The following TCHP variants were observed in gnomAD, a reference collection of about 807,000 sequenced individuals.
TCHP encodes trichoplein keratin filament-binding protein.
TCHP carries 81 observed loss-of-function variants against 88.7 expected under a neutral mutation model. The observed-to-expected ratio is 0.91, with a 90% CI of 0.76 to 1.10. TCHP has a LOEUF of 1.10. TCHP is among the 50% of genes least tolerant of loss of function. TCHP has a pLI of 0.00. For missense variants in TCHP, 641 were observed against 632.1 expected (o/e 1.01, Z -0.15); for synonymous variants, 232 against 232.5 (o/e 1.00, Z 0.02).
chr12:109,886,598 T>G, the TCHP span, among the ~76,000 whole-genome samples: 1 of 152,116 alleles, frequency 6.6e-6, no homozygotes, highest in Non-Finnish European at 1.5e-5. Flanking sequence ...CCTGCCCTGG[T>G]CTCCAAACCA....
chr12:109,903,215 G>A lies in TCHP; in HGVS notation c.188+1G>A. ...GCTCTAAAACCTCCTACCAGCGGAG[G>A]TAATTGTGCGGTAACTGCCGATTGG... On this transcript the variant is annotated splice_donor_variant, in intron 2 of 12. Transcript: ENST00000405876. LOFTEE classifies it high-confidence loss of function. This position sits in a 1 kb window ranked among gnomAD's most constrained non-coding sequence, Gnocchi z 4.6. 2 of 1,607,064 alleles carry A rather than the reference G, an allele frequency of 1.2e-6. No individual in the cohort carries two copies. The highest frequency in any genetic ancestry group is 1.3e-5 in the African/African-American group (1 of 74,988).
intron 1 of TCHP, chr12:109,900,869 C>T (rs1484988012): frequency 6.6e-6 from 1 of 152,186 alleles, no homozygotes; most frequent in African/African-American, 2.4e-5. Context: ...TGCACCAGGC[C>T]TTTTCGCTCA....
the TCHP span, among the ~76,000 whole-genome samples, chr12:109,892,647 C>A: frequency 6.6e-6 from 1 of 152,154 alleles, no homozygotes; most frequent in East Asian, 1.9e-4. Flanking sequence ...AAACACAGGA[C>A]TGACCTGATG....
Position 109,914,540 on chromosome 12 carries a change from T to C in TCHP, c.1233T>C (p.Asn411=). The part of the protein sequence containing the change: ...SLKHREQLIR[N]LEEVRELARR... ...AACACAGGGAGCAACTTATTCGAAATCTTGAGGAGGTGAGAGAGTTGGCTC... is the reference window on the plus strand; with the variant it reads ...AACACAGGGAGCAACTTATTCGAAACCTTGAGGAGGTGAGAGAGTTGGCTC... Residue 411 remains asparagine (N), a synonymous_variant, in exon 11 of 13, where the codon AAT becomes AAC. Transcript: ENST00000405876. The C allele has an allele frequency of 6.2e-6, 10 of 1,614,012 alleles. No homozygotes were observed. Among genetic ancestry groups the C allele is most frequent in the Non-Finnish European group, 8.5e-6 (10 of 1,180,002 alleles).
At chr12:109,893,044 G>T in the TCHP span, among the ~76,000 whole-genome samples, 3 of 152,162 alleles carry the variant, frequency 2.0e-5, no homozygotes, top group African/African-American at 7.2e-5. Context: ...CAAGGGCTTT[G>T]GGTGGGGTGA....
At chr12:109,892,714 C>T in the TCHP span, among the ~76,000 whole-genome samples, 3 of 152,038 alleles carry the variant, frequency 2.0e-5, no homozygotes, top group South Asian at 2.1e-4. Flanking sequence ...GGAATTGGTG[C>T]GGGATTTGGG....
chr12:109,881,054 C>T, the TCHP span, among the ~76,000 whole-genome samples: 27 of 152,316 alleles, frequency 1.8e-4, no homozygotes, highest in South Asian at 1.0e-3. Context: ...CACTGCCCTG[C>T]TGGACAACTC....
intron 8 of TCHP, among the ~76,000 whole-genome samples, chr12:109,910,321 G>C (rs1459414779): frequency 6.6e-6 from 1 of 152,184 alleles, no homozygotes; most frequent in Non-Finnish European, 1.5e-5. Context: ...GTTGGTCCTG[G>C]TGTGCAGCTG....
At chr12:109,889,545 C>A in the TCHP span, among the ~76,000 whole-genome samples, 1 of 152,164 alleles carries the variant, frequency 6.6e-6, no homozygotes, top group Non-Finnish European at 1.5e-5. Flanking sequence ...TCCTGTCTCA[C>A]TCCAGCCTCT....
chr12:109,902,942 G>C, intron 1 of TCHP, 85 bp from the exon 2 acceptor site: 1 of 1,119,142 alleles, frequency 8.9e-7, no homozygotes, highest in Non-Finnish European at 1.3e-6. Context: ...AAGGGGTGGT[G>C]ACCACTCGTT....
intron 10 of TCHP, 44 bp downstream of exon 10, chr12:109,913,116 G>A (rs1347691367): frequency 6.3e-7 from 1 of 1,594,038 alleles, no homozygotes; most frequent in Non-Finnish European, 8.6e-7. Flanking sequence ...TGGGTCTTGG[G>A]CAGGTGTCTG....
chr12:109,915,756 C>A (rs1002043288), intron 12 of TCHP, among the ~76,000 whole-genome samples: 2 of 152,214 alleles, frequency 1.3e-5, no homozygotes, highest in Admixed American at 6.5e-5. Context: ...GGGCCTCAAA[C>A]CTTGAAGTGA....
the TCHP span, chr12:109,888,529 T>C: frequency 6.6e-6 from 1 of 152,204 alleles, no homozygotes; most frequent in Non-Finnish European, 1.5e-5. Flanking sequence ...GTTAATAACA[T>C]CTTCCCCAAC....
chr12:109,916,479 A>G (rs1870821840), intron 12 of TCHP, 112 bp from the exon 13 acceptor site: 2 of 1,186,080 alleles, frequency 1.7e-6, no homozygotes, highest in Non-Finnish European at 2.3e-6. Flanking sequence ...TTCAGCTGGA[A>G]ATGAAACAGC....
rs548514868 is a variant in TCHP, at chr12:109,900,364, C to T, written c.-63C>T. The T allele has an allele frequency of 2.0e-5, 3 of 152,190 alleles. No individual in the cohort carries two copies. The highest frequency in any genetic ancestry group is 2.9e-5 in the Non-Finnish European group (2 of 68,032). The allele number at this position is 152,190 out of a possible 1,614,324, so 9.4% of individuals were successfully genotyped here. On this transcript the variant is annotated 5_prime_UTR_variant, in exon 1 of 13. Transcript: ENST00000405876. ...AATTACACCGGGGGACTGGCCGGCCCGCTTCGTGCCTGCGGGAAGTCGGGC... is the reference window on the plus strand; with the variant it reads ...AATTACACCGGGGGACTGGCCGGCCTGCTTCGTGCCTGCGGGAAGTCGGGC...
At chr12:109,885,966 G>A in the TCHP span, among the ~76,000 whole-genome samples, 1 of 151,876 alleles carries the variant, frequency 6.6e-6, no homozygotes, top group Non-Finnish European at 1.5e-5. Flanking sequence ...ATTTGAATAA[G>A]GTGTCTTCAC....
At chr12:109,907,752 T>C in intron 6 of TCHP, 53 bp downstream of exon 6, 1 of 1,540,950 alleles carries the variant, frequency 6.5e-7, no homozygotes, top group Non-Finnish European at 8.8e-7. Context: ...CTCGTTAGCA[T>C]GAGATGGGCA....
At chr12:109,890,258 G>A in the TCHP span, among the ~76,000 whole-genome samples, 22,917 of 130,426 alleles carry the variant, frequency 0.18, 2,994 homozygotes, top group African/African-American at 0.39. Flanking sequence ...GAAGAAACAT[G>A]AAAATGAACC....
chr12:109,906,656 C>G lies in TCHP; in HGVS notation c.525+16C>G. On this transcript the variant is annotated intron_variant, in intron 5 of 12. Transcript: ENST00000405876. ...AAAAAAACAGGTGTGGTATGTGGCT[C>G]TGGGAATAGCCGCGTATTCTGCTGT... 1 of 1,596,602 alleles carries G rather than the reference C, an allele frequency of 6.3e-7. No homozygotes were observed. Among genetic ancestry groups the G allele is most frequent in the Non-Finnish European group, 8.5e-7 (1 of 1,173,574 alleles).
Sources: allele counts gnomAD v4.1 joint callset (sites outside exome capture counted in the v4.1 genomes callset), GRCh38; gene constraint gnomAD v4.1.1; non-coding constraint Gnocchi (gnomAD v3.1); transcripts MANE v1.5; gene names NCBI Gene and HGNC (gene_info 2026-07-23, HGNC 2026-07-21).